The following NUP54 variants were observed in gnomAD, a reference collection of about 807,000 sequenced individuals.
NUP54 encodes nucleoporin 54.
A neutral mutation model predicts 66.4 loss-of-function variants in NUP54; 27 were observed. The observed-to-expected ratio is 0.41, with a 90% confidence interval of 0.30 to 0.56. The LOEUF (loss-of-function observed/expected upper bound fraction) is 0.56, where lower values mean the gene tolerates loss of function less well. NUP54 is among the 20% of genes least tolerant of loss of function. NUP54 has a pLI of 0.34. For missense variants in NUP54, 486 were observed against 596.3 expected (o/e 0.82, Z 1.93); for synonymous variants, 206 against 210.7 (o/e 0.98, Z 0.19).
chr4:76,124,379 G>T (rs944261826), intron 9 of NUP54, among the ~76,000 whole-genome samples: 3 of 152,070 alleles, frequency 2.0e-5, no homozygotes, highest in Non-Finnish European at 4.4e-5. Flanking sequence ...TCTCACAGAA[G>T]CTTCCCTTGC....
chr4:76,117,461 G>A (rs1480816404), intron 11 of NUP54, among the ~76,000 whole-genome samples: 3 of 152,044 alleles, frequency 2.0e-5, no homozygotes, highest in Non-Finnish European at 1.5e-5. Flanking sequence ...AGATCATATC[G>A]TAATTCTATC....
chr4:76,129,893 AGCAAAGTT>A (rs1730715817), intron 8 of NUP54, among the ~76,000 whole-genome samples: 1 of 110,018 alleles, frequency 9.1e-6, no homozygotes, highest in East Asian at 4.7e-4. Context: ...AAAAAACCTT[AGCAAAGTT>A]AAAAGAATTG....
chr4:76,139,401 CTTTA>C lies in NUP54; in HGVS notation c.296-2993_296-2990del, dbSNP rs200300077. On this transcript the variant is annotated intron_variant, in intron 3 of 11. Transcript: ENST00000264883. Reference sequence around the variant, plus strand: ...GCAAACGTCAAGTCCCTAAAGCAAACTTTATTTACCACAATTATGAGAGATAAAG... The same window carrying C: ...GCAAACGTCAAGTCCCTAAAGCAAACTTTACCACAATTATGAGAGATAAAG... Among the ~76,000 whole-genome samples the C allele has an allele frequency of 8.0e-3, 1,213 of 151,822 alleles. 11 individuals are homozygous for C. The highest frequency in any genetic ancestry group is 0.028 in the African/African-American group (1,164 of 41,454).
chr4:76,126,579 T>C (rs983989787), intron 8 of NUP54, among the ~76,000 whole-genome samples: 1 of 152,146 alleles, frequency 6.6e-6, no homozygotes, highest in Admixed American at 6.6e-5. Context: ...CTACCAGTAA[T>C]AACTAAAAAA....
intron 4 of NUP54, among the ~76,000 whole-genome samples, chr4:76,134,781 G>A (rs986614949): frequency 3.3e-5 from 5 of 152,032 alleles, no homozygotes; most frequent in Middle Eastern, 3.4e-3. Context: ...AAAGCAATAC[G>A]CATTCATATA....
intron 3 of NUP54, among the ~76,000 whole-genome samples, chr4:76,137,892 T>G (rs1731104843): frequency 6.6e-6 from 1 of 152,218 alleles, no homozygotes; most frequent in Non-Finnish European, 1.5e-5. Context: ...GCAATAAATT[T>G]TACTTTAAAA....
At chr4:76,134,991 A>G (rs894601919) in intron 4 of NUP54, among the ~76,000 whole-genome samples, 7 of 152,130 alleles carry the variant, frequency 4.6e-5, no homozygotes, top group Non-Finnish European at 8.8e-5. Context: ...CTGAATTACA[A>G]TATTTTCAAT....
At chr4:76,122,680 T>C (rs1433000556) in intron 9 of NUP54, among the ~76,000 whole-genome samples, 2 of 152,188 alleles carry the variant, frequency 1.3e-5, no homozygotes, top group Non-Finnish European at 2.9e-5. Context: ...AGTGTGCATA[T>C]GACACAGCAA....
At chr4:76,131,689 C>G (rs528467654) in intron 6 of NUP54, among the ~76,000 whole-genome samples, 1 of 151,970 alleles carries the variant, frequency 6.6e-6, no homozygotes, top group African/African-American at 2.4e-5. Flanking sequence ...AAATAACATT[C>G]CTGTTATGAA....
intron 1 of NUP54, among the ~76,000 whole-genome samples, chr4:76,144,787 T>A (rs762825810): frequency 6.6e-6 from 1 of 152,202 alleles, no homozygotes; most frequent in Non-Finnish European, 1.5e-5. Context: ...AAAATGACTA[T>A]GTATGTACTT....
intron 3 of NUP54, among the ~76,000 whole-genome samples, chr4:76,141,149 T>G (rs6838435): frequency 6.6e-6 from 1 of 151,858 alleles, no homozygotes; most frequent in African/African-American, 2.4e-5. Flanking sequence ...CTAATAAGTA[T>G]GAGGAATACA....
intron 4 of NUP54, among the ~76,000 whole-genome samples, chr4:76,134,736 T>TGTG (rs59654059): frequency 6.6e-6 from 1 of 151,848 alleles, no homozygotes; most frequent in Non-Finnish European, 1.5e-5. Context: ...CTATACAGAT[T>TGTG]CTCAACTTAT....
intron 3 of NUP54, among the ~76,000 whole-genome samples, chr4:76,143,476 C>A (rs533411155): frequency 1.1e-4 from 16 of 152,146 alleles, no homozygotes; most frequent in African/African-American, 3.6e-4. Context: ...TGGTGGTGTG[C>A]GCCTGTAGTC....
rs200630262 is a variant in NUP54, at chr4:76,124,558, A to AT, written c.1164+90dup. 1,305 of 461,236 alleles carry AT rather than the reference A, an allele frequency of 2.8e-3. 5 individuals carry two copies. The highest frequency in any genetic ancestry group is 0.014 in the African/African-American group (671 of 48,624). The allele number at this position is 461,236 out of a possible 1,614,324, so 28.6% of individuals were successfully genotyped here. Reference sequence around the variant, plus strand: ...TTTCACATTATTCTTTCATTTTAGTATTTTTTTTTCTATTTTAAAAATCTA... The same window carrying AT: ...TTTCACATTATTCTTTCATTTTAGTATTTTTTTTTTCTATTTTAAAAATCTA... On this transcript the variant is annotated intron_variant, in intron 9 of 11. Transcript: ENST00000264883.
At chr4:76,122,568 A>T (rs999716120) in intron 9 of NUP54, among the ~76,000 whole-genome samples, 1 of 152,246 alleles carries the variant, frequency 6.6e-6, no homozygotes, top group Admixed American at 6.5e-5. Context: ...TCTTTAAAAT[A>T]GCTGTTTATA....
chr4:76,136,450 C>CAA, intron 3 of NUP54, 38 bp from the exon 4 acceptor site: 1 of 1,545,530 alleles, frequency 6.5e-7, no homozygotes, highest in African/African-American at 1.4e-5. Flanking sequence ...AAAAACAAAA[C>CAA]AAAACAAAAC....
At chr4:76,126,045 C>A (rs1383300260) in intron 8 of NUP54, among the ~76,000 whole-genome samples, 1 of 152,022 alleles carries the variant, frequency 6.6e-6, no homozygotes, top group Admixed American at 6.6e-5. Flanking sequence ...AGACAATTAG[C>A]CCTGTATCTA....
chr4:76,118,744 C>T (rs1730081365), intron 9 of NUP54, among the ~76,000 whole-genome samples: 1 of 151,630 alleles, frequency 6.6e-6, no homozygotes, highest in Non-Finnish European at 1.5e-5. Flanking sequence ...GTGGCTCACA[C>T]CTGTAATCCC....
chr4:76,119,859 C>T (rs1730150397), intron 9 of NUP54, among the ~76,000 whole-genome samples: 1 of 152,070 alleles, frequency 6.6e-6, no homozygotes, highest in Admixed American at 6.5e-5. Context: ...TAAACACACA[C>T]ATAGACCGAC....
Sources: allele counts gnomAD v4.1 joint callset (sites outside exome capture counted in the v4.1 genomes callset), GRCh38; gene constraint gnomAD v4.1.1; transcripts MANE v1.5; gene names NCBI Gene and HGNC (gene_info 2026-07-23, HGNC 2026-07-21).